THSD7B: variants seen among roughly 807,000 people sequenced by gnomAD.
THSD7B encodes the protein thrombospondin type 1 domain containing 7B, also known as thrombospondin type-1 domain-containing protein 7B.
THSD7B carries 138 observed loss-of-function variants against 213.6 expected under a neutral mutation model. The observed-to-expected ratio is 0.65, with a 90% CI of 0.56 to 0.74. The LOEUF (loss-of-function observed/expected upper bound fraction) is 0.74. Ranked by LOEUF, THSD7B falls within the 30% of genes least tolerant of loss-of-function variation. The probability of loss-of-function intolerance (pLI) is 0.00; values close to 1 mark genes in which losing one functional copy is unlikely to be tolerated. For missense variants in THSD7B, 1,931 were observed against 1,991.5 expected, an observed-to-expected ratio of 0.97 and a Z score of 0.58; for synonymous variants, 742 against 687.0, an observed-to-expected ratio of 1.08 and a Z score of -1.25.
chr2:137,249,945 A>T (rs1682133349), intron 10 of THSD7B, among the ~76,000 whole-genome samples: 1 of 152,214 alleles, frequency 6.6e-6, no homozygotes, highest in African/African-American at 2.4e-5. Flanking sequence ...TTTAATGGTA[A>T]AGGAAGAGCT....
chr2:137,341,154 C>T (rs113905303), intron 12 of THSD7B, among the ~76,000 whole-genome samples: 1,653 of 151,426 alleles, frequency 0.011, 30 homozygotes, highest in African/African-American at 0.037. Context: ...ATATGTGAGA[C>T]GATACCTCAC....
chr2:136,811,680 T>C (rs1164923144), intron 1 of THSD7B, among the ~76,000 whole-genome samples: 1 of 152,174 alleles, frequency 6.6e-6, no homozygotes, highest in Non-Finnish European at 1.5e-5. Flanking sequence ...TTAGATATAA[T>C]TTGCTTGATC....
At chr2:136,835,762 AT>A (rs1204454872) in intron 1 of THSD7B, among the ~76,000 whole-genome samples, 17 of 152,202 alleles carry the variant, frequency 1.1e-4, no homozygotes, top group African/African-American at 4.1e-4. Context: ...TTCTGAAAAT[AT>A]GCCATACTTC....
chr2:137,409,053 A>C (rs1686591321), intron 13 of THSD7B, among the ~76,000 whole-genome samples: 2 of 152,220 alleles, frequency 1.3e-5, no homozygotes, highest in African/African-American at 4.8e-5. Flanking sequence ...AGAGGCAGAT[A>C]CAAATGGGCA....
chr2:137,154,461 A>G (rs1679875330), intron 5 of THSD7B, among the ~76,000 whole-genome samples: 1 of 152,096 alleles, frequency 6.6e-6, no homozygotes, highest in Non-Finnish European at 1.5e-5. Context: ...AGCAAATATA[A>G]CTTCCTGTAT....
chr2:137,548,836 G>A (rs2197834), intron 15 of THSD7B, among the ~76,000 whole-genome samples: 11,171 of 152,046 alleles, frequency 0.073, 448 homozygotes, highest in African/African-American at 0.089. Context: ...AGGAGTGTGT[G>A]TCTTAAATTA....
rs182716802 is a variant in THSD7B, at chr2:137,242,214, T to G, written c.2151-243T>G. Among the ~76,000 whole-genome samples, 1,483 of 152,226 alleles carry G rather than the reference T, an allele frequency of 9.7e-3. 15 individuals are homozygous for G. The highest frequency in any genetic ancestry group is 0.015 in the Non-Finnish European group (987 of 67,994). On this transcript the variant is annotated intron_variant, in intron 9 of 27. Coordinates refer to ENST00000409968, the MANE Select transcript of THSD7B (RefSeq NM_001316349.2). ...CATCTTTCATTGGTTTCAGAGGTTA[T>G]TTTTTTACTGGTGTAGTGAAAAGTT...
chr2:137,675,190 G>A (rs960167276), intron 27 of THSD7B, among the ~76,000 whole-genome samples: 15 of 151,806 alleles, frequency 9.9e-5, no homozygotes, highest in Non-Finnish European at 2.2e-4. Flanking sequence ...AATGGGGGAG[G>A]GACTGCTTGG....
At chr2:137,386,879 A>G (rs1685908078) in intron 12 of THSD7B, among the ~76,000 whole-genome samples, 1 of 152,164 alleles carries the variant, frequency 6.6e-6, no homozygotes, top group African/African-American at 2.4e-5. Flanking sequence ...CGTTAACAGC[A>G]ATTCTTTTTA....
At chr2:137,363,421 C>T (rs1362827614) in intron 12 of THSD7B, among the ~76,000 whole-genome samples, 3 of 152,106 alleles carry the variant, frequency 2.0e-5, no homozygotes, top group African/African-American at 4.8e-5. Flanking sequence ...ACACAAAAAA[C>T]CCTTCAAAAA....
chr2:137,426,823 A>G (rs1180529315), intron 14 of THSD7B, among the ~76,000 whole-genome samples: 1 of 152,186 alleles, frequency 6.6e-6, no homozygotes, highest in Non-Finnish European at 1.5e-5. Flanking sequence ...AATTTTCTGC[A>G]CAAGAAATGA....
intron 3 of THSD7B, among the ~76,000 whole-genome samples, chr2:137,063,055 AC>A (rs1342404692): frequency 2.0e-5 from 3 of 151,058 alleles, no homozygotes; most frequent in Non-Finnish European, 4.4e-5. Context: ...TGTAATGCCC[AC>A]CCCCACCTTA....
At chr2:137,562,790 A>G (rs1036869120) in intron 15 of THSD7B, among the ~76,000 whole-genome samples, 4 of 152,240 alleles carry the variant, frequency 2.6e-5, no homozygotes, top group East Asian at 3.9e-4. Flanking sequence ...TATGCATTGT[A>G]AGAACTCCTT....
chr2:137,642,316 G>A (rs1387200725), intron 20 of THSD7B, 172 bp from the exon 21 acceptor site: 1 of 701,682 alleles, frequency 1.4e-6, no homozygotes, highest in Non-Finnish European at 2.3e-6. Flanking sequence ...AACCTAGATA[G>A]CCTGTGTCTC....
At chr2:137,497,100 A>G (rs1259367951) in intron 15 of THSD7B, among the ~76,000 whole-genome samples, 1 of 152,136 alleles carries the variant, frequency 6.6e-6, no homozygotes, top group Non-Finnish European at 1.5e-5. Context: ...CTTTTTCTAA[A>G]TTGTAATATG....
chr2:137,645,922 C>G (rs1683022950), intron 21 of THSD7B, among the ~76,000 whole-genome samples: 3 of 152,240 alleles, frequency 2.0e-5, no homozygotes, highest in Middle Eastern at 3.4e-3. Flanking sequence ...GTTTTTCACT[C>G]TAGGAAATAA....
intron 3 of THSD7B, among the ~76,000 whole-genome samples, chr2:137,073,793 C>G (rs976567350): frequency 9.9e-5 from 15 of 152,166 alleles, no homozygotes; most frequent in African/African-American, 2.9e-4. Context: ...TGTCTTTGTT[C>G]TCATTGGTTT....
chr2:137,035,996 G>A (rs1471694836), intron 2 of THSD7B, among the ~76,000 whole-genome samples: 1 of 152,128 alleles, frequency 6.6e-6, no homozygotes, highest in Non-Finnish European at 1.5e-5. Context: ...CACATCAGCA[G>A]TACTGTAAAG....
At chr2:137,198,104 A>T (rs746120318) in intron 7 of THSD7B, among the ~76,000 whole-genome samples, 8 of 152,142 alleles carry the variant, frequency 5.3e-5, no homozygotes, top group Non-Finnish European at 1.5e-5. Context: ...TTTTCATTAC[A>T]TCTTTACCAA....
Sources: gnomAD v4.1 joint callset for allele counts (sites outside exome capture counted in the v4.1 genomes callset) on GRCh38, gnomAD v4.1.1 for gene constraint, MANE v1.5 for transcripts, NCBI Gene and HGNC (gene_info 2026-07-23, HGNC 2026-07-21) for gene names.